PIK3R1: variants seen among roughly 807,000 people sequenced by gnomAD.
PIK3R1 encodes phosphoinositide-3-kinase regulatory subunit 1, also known as phosphatidylinositol 3-kinase regulatory subunit alpha.
In PIK3R1, 29 loss-of-function variants were observed where a neutral mutation model predicts 98.0. That is an observed-to-expected ratio of 0.30 (90% CI 0.22 to 0.40). The LOEUF (loss-of-function observed/expected upper bound fraction) is 0.40, where lower values mean the gene tolerates loss of function less well. Among genes scored for constraint, PIK3R1 ranks in the 10% least tolerant of loss-of-function variants. The pLI is 1.00. For synonymous variants in PIK3R1, 282 were observed against 311.8 expected (o/e 0.90, Z 1.01); for missense variants, 596 against 872.7 (o/e 0.68, Z 3.99).
intron 2 of PIK3R1, among the ~76,000 whole-genome samples, chr5:68,229,315 C>A (rs937694486): frequency 8.5e-5 from 13 of 152,144 alleles, no homozygotes; most frequent in Non-Finnish European, 1.8e-4. Context: ...AGACTAGTTT[C>A]TTTTGCCTCC....
intron 4 of PIK3R1, among the ~76,000 whole-genome samples, chr5:68,277,994 A>G (rs1232350634): frequency 1.3e-5 from 2 of 152,054 alleles, no homozygotes; most frequent in South Asian, 2.1e-4. Flanking sequence ...TATCCTTCGC[A>G]TTGCTAGTGT....
chr5:68,237,721 GAA>G (rs772318998), intron 2 of PIK3R1, among the ~76,000 whole-genome samples: 1 of 145,282 alleles, frequency 6.9e-6, no homozygotes, highest in African/African-American at 2.5e-5. Flanking sequence ...AAGATAGGAA[GAA>G]AAAAAAAAAT....
At chr5:68,271,917 G>T (rs369988541) in intron 2 of PIK3R1, among the ~76,000 whole-genome samples, 9 of 152,066 alleles carry the variant, frequency 5.9e-5, no homozygotes, top group African/African-American at 2.2e-4. Flanking sequence ...ACGTGAATTT[G>T]TTCTATGTTG....
chr5:68,221,595 G>T (rs1197154991), intron 1 of PIK3R1, among the ~76,000 whole-genome samples: 1 of 152,182 alleles, frequency 6.6e-6, no homozygotes, highest in East Asian at 1.9e-4. Flanking sequence ...CTGTATTCCT[G>T]CCTGTCCATC....
In PIK3R1 at chr5:68,226,732, A is replaced by G; in HGVS notation, c.57A>G (p.Glu19=). The change falls in exon 2 of 16, where the codon GAA becomes GAG. Residue 19 remains glutamate, a synonymous_variant. Transcript: ENST00000521381. ...RALYDYKKER[E]EDIDLHLGDI... ...TGTATGATTATAAAAAGGAAAGAGA[A>G]GAAGATATTGACTTGCACTTGGGTG... 6.2e-7 allele frequency: 1 copy of G among 1,614,174 alleles called. No homozygotes were observed.
At chr5:68,282,508 A>T (rs998105986) in intron 7 of PIK3R1, among the ~76,000 whole-genome samples, 1 of 152,190 alleles carries the variant, frequency 6.6e-6, no homozygotes, top group South Asian at 2.1e-4. Flanking sequence ...ATACCCACAA[A>T]TGAATTTATC....
intron 7 of PIK3R1, among the ~76,000 whole-genome samples, 200 bp downstream of exon 7, chr5:68,281,206 G>A (rs1336005602): frequency 6.6e-6 from 1 of 152,104 alleles, no homozygotes; most frequent in East Asian, 1.9e-4. Context: ...CAACATTTGT[G>A]GATTTTAAAT....
chr5:68,294,640 A>G lies in PIK3R1; in HGVS notation c.1530A>G (p.Glu510=). 6.2e-7 allele frequency: 1 copy of G among 1,610,426 alleles called. No homozygotes were observed. The highest frequency in any genetic ancestry group is 8.5e-7 in the Non-Finnish European group (1 of 1,178,644). ...TQERYSKEYI[E]KFKREGNEKE... is the part of the protein sequence containing the mutation. ...AGCGGTACAGCAAAGAATACATAGAAAAGTTTAAACGTGAAGGCAATGAGA... is the reference window on the plus strand; with the variant it reads ...AGCGGTACAGCAAAGAATACATAGAGAAGTTTAAACGTGAAGGCAATGAGA... The change falls in exon 12 of 16, where the codon GAA becomes GAG. Residue 510 remains glutamate, a synonymous_variant. Coordinates refer to ENST00000521381, the MANE Select transcript of PIK3R1 (RefSeq NM_181523.3).
chr5:68,216,714 G>A (rs1279368343), intron 1 of PIK3R1, among the ~76,000 whole-genome samples: 1 of 121,236 alleles, frequency 8.2e-6, no homozygotes, highest in Admixed American at 8.2e-5. Context: ...GCTGGGGAGA[G>A]CCAGGGAGCC....
At chr5:68,248,262 A>G (rs1745179065) in intron 2 of PIK3R1, among the ~76,000 whole-genome samples, 4 of 152,106 alleles carry the variant, frequency 2.6e-5, no homozygotes, top group South Asian at 2.1e-4. Context: ...GATTACAGGC[A>G]TGAGCCACCA....
chr5:68,297,788 T>C lies in PIK3R1; in HGVS notation c.*187T>C. The stretch of plus-strand genomic sequence containing the variant: ...AGACATGCAGCCTAAGGCTGTATGA[T>C]GACCACACGTTCCTAAGCTGGAGTG... On this transcript the variant is annotated 3_prime_UTR_variant, in exon 16 of 16. Coordinates refer to ENST00000521381, the MANE Select transcript of PIK3R1 (RefSeq NM_181523.3). The C allele has an allele frequency of 2.0e-6, 1 of 495,662 alleles. No homozygotes were observed. The highest frequency in any genetic ancestry group is 3.5e-6 in the Non-Finnish European group (1 of 281,766). The allele number at this position is 495,662 out of a possible 1,614,324, so 30.7% of individuals were successfully genotyped here. A position where few individuals can be genotyped will look rare whatever the true frequency, so the allele number is the denominator to read the frequency against.
intron 2 of PIK3R1, among the ~76,000 whole-genome samples, chr5:68,260,241 G>A (rs1360728437): frequency 2.0e-5 from 3 of 152,110 alleles, no homozygotes; most frequent in Non-Finnish European, 2.9e-5. Flanking sequence ...ACTCTCAGAG[G>A]GGAATGGATA....
intron 1 of PIK3R1, among the ~76,000 whole-genome samples, chr5:68,216,751 G>C (rs927349344): frequency 1.7e-4 from 8 of 46,748 alleles, no homozygotes; most frequent in Non-Finnish European, 3.1e-4. Context: ...AATATCGTGG[G>C]CAATTCTCTG....
At chr5:68,238,254 C>T (rs1267227068) in intron 2 of PIK3R1, among the ~76,000 whole-genome samples, 1 of 152,140 alleles carries the variant, frequency 6.6e-6, no homozygotes. Context: ...ATAACTAGCA[C>T]CCAAGTGGAT....
At position 68,256,963 on chromosome 5, in the gene PIK3R1, T is replaced by A. The variant is rs375842830; in HGVS notation, c.335-16427T>A. On this transcript the variant is annotated intron_variant, in intron 2 of 15. Coordinates refer to ENST00000521381, the MANE Select transcript of PIK3R1 (RefSeq NM_181523.3). ...GTGGTACAGAGCATGTGTCTCAGGGTGTGGCCACTCCAGGGAGAGGGAAGA... is the reference window on the plus strand; with the variant it reads ...GTGGTACAGAGCATGTGTCTCAGGGAGTGGCCACTCCAGGGAGAGGGAAGA... 3.3e-5 allele frequency among the ~76,000 whole-genome samples: 5 copies of A among 152,112 alleles called. No individual in the cohort carries two copies. In the East Asian group the frequency reaches 9.7e-4, roughly 29 times the overall value.
At chr5:68,258,630 A>C (rs1436759477) in intron 2 of PIK3R1, among the ~76,000 whole-genome samples, 1 of 152,168 alleles carries the variant, frequency 6.6e-6, no homozygotes, top group Non-Finnish European at 1.5e-5. Context: ...CTGATCATTG[A>C]ACCTTCTGTC....
chr5:68,256,974 C>G (rs1260688977), intron 2 of PIK3R1, among the ~76,000 whole-genome samples: 1 of 152,074 alleles, frequency 6.6e-6, no homozygotes, highest in Non-Finnish European at 1.5e-5. Flanking sequence ...GTGGCCACTC[C>G]AGGGAGAGGG....
At chr5:68,224,586 GCTT>G (rs1744210832) in intron 1 of PIK3R1, among the ~76,000 whole-genome samples, 1 of 152,162 alleles carries the variant, frequency 6.6e-6, no homozygotes, top group African/African-American at 2.4e-5. Flanking sequence ...ATTAGATTTT[GCTT>G]CTTAAGATGC....
At position 68,297,704 on chromosome 5, in the gene PIK3R1, C is replaced by A; in HGVS notation, c.*103C>A. 1 of 934,616 alleles carries A rather than the reference C, an allele frequency of 1.1e-6. No homozygotes were observed. Among genetic ancestry groups the A allele is most frequent in the Non-Finnish European group, 1.6e-6 (1 of 610,654 alleles). The allele number at this position is 934,616 out of a possible 1,614,324, so 57.9% of individuals were successfully genotyped here. A position where few individuals can be genotyped will look rare whatever the true frequency, so the allele number is the denominator to read the frequency against. On this transcript the variant is annotated 3_prime_UTR_variant, in exon 16 of 16. Coordinates refer to ENST00000521381, the MANE Select transcript of PIK3R1 (RefSeq NM_181523.3). ...TGATCTGTGAATTGAGCTGCAGAAA[C>A]GAAGCCATCTTTCTTTGGATGGGAC...
Sources: allele counts gnomAD v4.1 joint callset (sites outside exome capture counted in the v4.1 genomes callset), GRCh38; gene constraint gnomAD v4.1.1; transcripts MANE v1.5; gene names NCBI Gene and HGNC (gene_info 2026-07-23, HGNC 2026-07-21).